CDC42BPA: variants seen among roughly 807,000 people sequenced by gnomAD.
The protein encoded by CDC42BPA is CDC42 binding protein kinase alpha.
Under a neutral mutation model 223.5 loss-of-function variants are expected in CDC42BPA, and 80 were observed. The observed-to-expected ratio is 0.36, with a 90% CI of 0.30 to 0.43. CDC42BPA has a LOEUF of 0.43. CDC42BPA is among the 20% of genes least tolerant of loss of function. CDC42BPA has a pLI of 1.00. For missense variants in CDC42BPA, 1,743 were observed against 2,099.9 expected, an observed-to-expected ratio of 0.83 and a Z score of 3.32; for synonymous variants, 694 against 718.6, an observed-to-expected ratio of 0.97 and a Z score of 0.55.
At chr1:227,189,778 T>A (rs936461276) in intron 5 of CDC42BPA, among the ~76,000 whole-genome samples, 1 of 152,208 alleles carries the variant, frequency 6.6e-6, no homozygotes, top group Non-Finnish European at 1.5e-5. Flanking sequence ...TCTAGAAATA[T>A]ATTTCCTTAA....
chr1:227,272,794 A>G (rs902416052), intron 1 of CDC42BPA, among the ~76,000 whole-genome samples: 2 of 140,558 alleles, frequency 1.4e-5, no homozygotes, highest in African/African-American at 5.4e-5. Context: ...AGTATAATGA[A>G]CAGAATAATT....
At chr1:227,139,894 T>G (rs1659372408) in intron 9 of CDC42BPA, 152 bp from the exon 10 acceptor site, 1 of 409,178 alleles carries the variant, frequency 2.4e-6, no homozygotes, top group East Asian at 3.6e-5. Context: ...CTGAATATCT[T>G]GCAGTTAGCC....
At position 227,039,135 on chromosome 1, in the gene CDC42BPA, CTTCT is replaced by C. The variant is rs144115087; in HGVS notation, c.3199+992_3199+995del. On this transcript the variant is annotated intron_variant, in intron 24 of 36. Transcript: ENST00000366766. ...CCACCTTACAGTCCTGATTTGGTTC[CTTCT>C]GACTTTTTTGTTTCTGAATTTCAAA... Among the ~76,000 whole-genome samples the C allele has an allele frequency of 4.4e-3, 676 of 152,134 alleles. 2 individuals carry two copies. The highest frequency in any genetic ancestry group is 0.015 in the African/African-American group (629 of 41,492).
chr1:227,129,666 C>CAAAAAAAAAAAAAAAAAAAAAAAAAAAA (rs569879499), intron 10 of CDC42BPA, among the ~76,000 whole-genome samples: 2 of 33,918 alleles, frequency 5.9e-5, no homozygotes, highest in Non-Finnish European at 9.4e-5. Context: ...GACTGTATCT[C>CAAAAAAAAAAAAAAAAAAAAAAAAAAAA]AAAAAAAAAA....
intron 6 of CDC42BPA, among the ~76,000 whole-genome samples, chr1:227,157,940 TAA>T (rs1235043386): frequency 1.4e-5 from 2 of 147,592 alleles, no homozygotes; most frequent in Non-Finnish European, 3.0e-5. Flanking sequence ...TTTGTTTTCT[TAA>T]ATATTTTTAT....
intron 5 of CDC42BPA, chr1:227,178,424 CACGTGGA>C (rs1355083707): frequency 2.0e-5 from 3 of 153,062 alleles, no homozygotes; most frequent in African/African-American, 7.2e-5. Flanking sequence ...CTTCTCCAGC[CACGTGGA>C]ACTGTAAGTC....
At chr1:227,265,035 T>G in intron 1 of CDC42BPA, 1 of 793,246 alleles carries the variant, frequency 1.3e-6, no homozygotes, top group Non-Finnish European at 2.3e-6. Flanking sequence ...CACTGAGGAT[T>G]TGGCTTCATG....
At position 227,045,378 on chromosome 1, in the gene CDC42BPA, C is replaced by T. The variant is rs116672293; in HGVS notation, c.3093+2549G>A. ...TGTGGATGTGATCTTTTTTAAATCTCCTTAAAGGTTTAAAAAGTTCTATCT... is the reference window on the plus strand; with the variant it reads ...TGTGGATGTGATCTTTTTTAAATCTTCTTAAAGGTTTAAAAAGTTCTATCT... On this transcript the variant is annotated intron_variant, in intron 23 of 36. Coordinates refer to ENST00000366766, the MANE Select transcript of CDC42BPA (RefSeq NM_001394014.1). 3.8e-3 allele frequency among the ~76,000 whole-genome samples: 574 copies of T among 152,206 alleles called. 3 individuals carry two copies. The highest frequency in any genetic ancestry group is 0.013 in the African/African-American group (555 of 41,540).
chr1:227,043,891 GATT>G (rs1572446131), intron 23 of CDC42BPA, among the ~76,000 whole-genome samples: 1 of 152,126 alleles, frequency 6.6e-6, no homozygotes, highest in Non-Finnish European at 1.5e-5. Flanking sequence ...GATGAAATGA[GATT>G]GCTGAGTCAT....
intron 29 of CDC42BPA, among the ~76,000 whole-genome samples, chr1:227,030,111 C>T (rs1223803261): frequency 6.8e-6 from 1 of 146,254 alleles, no homozygotes; most frequent in Non-Finnish European, 1.5e-5. Context: ...CCAGCCTGGG[C>T]AGCAAGAGTG....
At chr1:227,129,701 G>GCATA (rs149005688) in intron 10 of CDC42BPA, among the ~76,000 whole-genome samples, 940 of 57,824 alleles carry the variant, frequency 0.016, 30 homozygotes, top group African/African-American at 0.058. Flanking sequence ...AAAATCCACT[G>GCATA]CATATATATA....
chr1:227,145,803 TATTTA>T, intron 7 of CDC42BPA, 66 bp from the exon 8 acceptor site: 4 of 1,284,414 alleles, frequency 3.1e-6, no homozygotes, highest in Non-Finnish European at 4.3e-6. Context: ...TTGGTTGACT[TATTTA>T]TTTTCTTAAA....
Position 227,317,602 on chromosome 1 carries a change from A to G in CDC42BPA, c.-420T>C, listed in dbSNP as rs1694610726. ...GAATCCGGTTGCATCATTAATGAAT[A>G]AAGTCCGATTTGCATCAGCAATTCA... On this transcript the variant is annotated 5_prime_UTR_variant, in exon 1 of 37. Transcript: ENST00000366766. The G allele has an allele frequency of 2.5e-6, 1 of 398,704 alleles. No homozygotes were observed. Among genetic ancestry groups the G allele is most frequent in the Non-Finnish European group, 4.4e-6 (1 of 226,134 alleles). 24.7% of individuals were successfully genotyped at this position (398,704 alleles called of 1,614,324 possible). A position where few individuals can be genotyped will look rare whatever the true frequency, so the allele number is the denominator to read the frequency against.
intron 21 of CDC42BPA, among the ~76,000 whole-genome samples, chr1:227,053,515 G>A (rs574030398): frequency 3.3e-5 from 5 of 152,244 alleles, no homozygotes; most frequent in African/African-American, 1.2e-4. Flanking sequence ...CTTACCAGCT[G>A]AATATCAGCT....
chr1:227,025,328 T>C (rs1219589903), intron 31 of CDC42BPA, among the ~76,000 whole-genome samples: 1 of 152,214 alleles, frequency 6.6e-6, no homozygotes, highest in Non-Finnish European at 1.5e-5. Context: ...TTAGTTGCTT[T>C]AGATAATCTG....
intron 1 of CDC42BPA, among the ~76,000 whole-genome samples, chr1:227,256,264 A>C (rs936877395): frequency 6.6e-6 from 1 of 152,184 alleles, no homozygotes; most frequent in Non-Finnish European, 1.5e-5. Context: ...GTGGGAGATG[A>C]ACAATGAGAA....
rs72110440 is a variant in CDC42BPA at position 227,089,627 on chromosome 1, G to GTTTT, written c.2355+2255_2355+2258dup. Among the ~76,000 whole-genome samples, 186 of 116,660 alleles carry GTTTT rather than the reference G, an allele frequency of 1.6e-3. 1 individual carries two copies. The highest frequency in any genetic ancestry group is 0.01 in the Middle Eastern group (2 of 194). The allele number at this position is 116,660 out of a possible 152,430, so 76.5% of individuals were successfully genotyped here. On this transcript the variant is annotated intron_variant, in intron 16 of 36. Coordinates refer to ENST00000366766, the MANE Select transcript of CDC42BPA (RefSeq NM_001394014.1). ...CAATTTAGCAAGAATGGGTAATTCC[G>GTTTT]TTTTTTTTTTTTTTTTTTTTTTTTA...
intron 2 of CDC42BPA, among the ~76,000 whole-genome samples, chr1:227,238,348 A>C (rs1005039641): frequency 5.9e-5 from 9 of 151,314 alleles, no homozygotes; most frequent in South Asian, 4.2e-4. Flanking sequence ...TCTCATTAAA[A>C]AAACAAACAA....
At chr1:227,052,289 T>C (rs1171853192) in intron 21 of CDC42BPA, among the ~76,000 whole-genome samples, 2 of 152,176 alleles carry the variant, frequency 1.3e-5, no homozygotes, top group South Asian at 2.1e-4. Flanking sequence ...CATGGAACTT[T>C]TTATTTCACA....
Sources: allele counts gnomAD v4.1 joint callset (sites outside exome capture counted in the v4.1 genomes callset), GRCh38; gene constraint gnomAD v4.1.1; transcripts MANE v1.5; gene names NCBI Gene and HGNC (gene_info 2026-07-23, HGNC 2026-07-21).